MYOM1: variants seen among roughly 807,000 people sequenced by gnomAD.
MYOM1 encodes the protein myomesin-1.
Under a neutral mutation model 205.3 loss-of-function variants are expected in MYOM1, and 164 were observed. That is an observed-to-expected ratio of 0.80 (90% CI 0.70 to 0.91). The LOEUF (loss-of-function observed/expected upper bound fraction) is 0.91. Among genes scored for constraint, MYOM1 ranks in the 40% least tolerant of loss-of-function variants. MYOM1 has a pLI of 0.00. For synonymous variants in MYOM1, 772 were observed against 789.4 expected, an observed-to-expected ratio of 0.98 and a Z score of 0.37; for missense variants, 2,011 against 2,127.3, an observed-to-expected ratio of 0.95 and a Z score of 1.08.
At chr18:3,081,604 G>T (rs2079087317) in intron 33 of MYOM1, among the ~76,000 whole-genome samples, 1 of 152,152 alleles carries the variant, frequency 6.6e-6, no homozygotes, top group African/African-American at 2.4e-5. Context: ...CTTTTTGATT[G>T]ATGATTCAAT....
intron 33 of MYOM1, among the ~76,000 whole-genome samples, chr18:3,081,185 A>G (rs552212252): frequency 3.0e-4 from 46 of 152,210 alleles, no homozygotes; most frequent in Admixed American, 2.6e-3. Context: ...CTGCTTTGCT[A>G]TAATAAATCT....
chr18:3,189,106 A>G lies in MYOM1; in HGVS notation c.432-19T>C, dbSNP rs1335778854. The G allele has an allele frequency of 1.9e-6, 3 of 1,601,090 alleles. No individual in the cohort carries two copies. Among genetic ancestry groups the G allele is most frequent in the Admixed American group, 3.4e-5 (2 of 59,568 alleles). ...CTTTTGACTAAAACACAACAATGGC[A>G]AAATGTAGATGTTGTGGATGGCAGT... On this transcript the variant is annotated intron_variant, in intron 3 of 37. Coordinates refer to ENST00000356443, the MANE Select transcript of MYOM1 (RefSeq NM_003803.4). This position sits in a 1 kb window ranked among gnomAD's most constrained non-coding sequence, Gnocchi z 4.8.
intron 2 of MYOM1, among the ~76,000 whole-genome samples, chr18:3,197,678 C>T (rs1443984968): frequency 6.6e-6 from 1 of 151,692 alleles, no homozygotes; most frequent in Non-Finnish European, 1.5e-5. Flanking sequence ...TCGAGACCAT[C>T]CTAGCTAACA....
the MYOM1 span, among the ~76,000 whole-genome samples, chr18:3,244,261 G>A: frequency 6.6e-6 from 1 of 152,106 alleles, no homozygotes; most frequent in Non-Finnish European, 1.5e-5. Flanking sequence ...GAGAACCACT[G>A]CAATAGTGGA....
chr18:3,161,466 T>A (rs1287641445), intron 10 of MYOM1, among the ~76,000 whole-genome samples: 1 of 152,192 alleles, frequency 6.6e-6, no homozygotes, highest in Non-Finnish European at 1.5e-5. Flanking sequence ...CTGCATGTGC[T>A]AAGTGTGCAC....
chr18:3,160,548 A>C (rs2080376159), intron 10 of MYOM1, among the ~76,000 whole-genome samples: 1 of 152,226 alleles, frequency 6.6e-6, no homozygotes. Flanking sequence ...ACTAAAAAGC[A>C]CCAAATTGTA....
At chr18:3,228,123 T>C in the MYOM1 span, among the ~76,000 whole-genome samples, 1 of 152,226 alleles carries the variant, frequency 6.6e-6, no homozygotes, top group African/African-American at 2.4e-5. This position sits in a 1 kb window ranked among gnomAD's most constrained non-coding sequence, Gnocchi z 4.5. Context: ...TATTCTTCAC[T>C]GGTTTGCCAG....
rs2080871315 is a variant in MYOM1 at position 3,189,246 on chromosome 18, G to A, written c.432-159C>T. Among the ~76,000 whole-genome samples, 1 of 152,042 alleles carries A rather than the reference G, an allele frequency of 6.6e-6. No homozygotes were observed. Among genetic ancestry groups the A allele is most frequent in the Non-Finnish European group, 1.5e-5 (1 of 68,022 alleles). On this transcript the variant is annotated intron_variant, in intron 3 of 37. Coordinates refer to ENST00000356443, the MANE Select transcript of MYOM1 (RefSeq NM_003803.4). The surrounding 1 kb of genome is among the most constrained non-coding windows in gnomAD (Gnocchi z 4.8). ...GGTGAATCAGAAGCTGACACTTCATGTACAGAAGTATTCCTCACCTTAACA... is the reference window on the plus strand; with the variant it reads ...GGTGAATCAGAAGCTGACACTTCATATACAGAAGTATTCCTCACCTTAACA...
intron 5 of MYOM1, among the ~76,000 whole-genome samples, chr18:3,182,214 T>C (rs776880924): frequency 2.0e-5 from 3 of 151,508 alleles, no homozygotes; most frequent in Non-Finnish European, 2.9e-5. Context: ...AAGATTTCCA[T>C]GGACAAATTC....
intron 11 of MYOM1, 137 bp downstream of exon 11, chr18:3,154,810 T>C (rs2080270856): frequency 1.1e-6 from 1 of 925,776 alleles, no homozygotes; most frequent in Middle Eastern, 2.4e-4. Flanking sequence ...AAAAGAAAGA[T>C]GAAGAGAGAT....
intron 18 of MYOM1, among the ~76,000 whole-genome samples, chr18:3,128,615 T>C (rs938998424): frequency 3.3e-5 from 5 of 152,186 alleles, no homozygotes; most frequent in Non-Finnish European, 7.3e-5. Flanking sequence ...TTTTTTCTTT[T>C]CTTTTTTCAT....
intron 13 of MYOM1, among the ~76,000 whole-genome samples, chr18:3,144,347 CAAGAG>C (rs1349372699): frequency 2.0e-5 from 3 of 151,388 alleles, no homozygotes; most frequent in Non-Finnish European, 4.4e-5. Flanking sequence ...TCATAGCCAA[CAAGAG>C]AATACAGATA....
chr18:3,165,441 C>A (rs2080454136), intron 9 of MYOM1, among the ~76,000 whole-genome samples: 1 of 151,880 alleles, frequency 6.6e-6, no homozygotes, highest in African/African-American at 2.4e-5. Context: ...TTAAAACTGT[C>A]TTCCTTGTTA....
the MYOM1 span, among the ~76,000 whole-genome samples, chr18:3,244,145 C>G: frequency 2.6e-5 from 4 of 152,274 alleles, no homozygotes; most frequent in African/African-American, 9.6e-5. Context: ...CTGGCTTCTC[C>G]CCACTAGATG....
At chr18:3,080,217 C>T (rs1239048041) in intron 33 of MYOM1, among the ~76,000 whole-genome samples, 1 of 151,966 alleles carries the variant, frequency 6.6e-6, no homozygotes, top group Non-Finnish European at 1.5e-5. Flanking sequence ...AGAAAAAAGG[C>T]TAGCAGGAAG....
At chr18:3,197,611 C>A (rs1007660154) in intron 2 of MYOM1, among the ~76,000 whole-genome samples, 1 of 152,042 alleles carries the variant, frequency 6.6e-6, no homozygotes, top group East Asian at 1.9e-4. Flanking sequence ...CGGTGGCTCA[C>A]GCCTGTAATC....
intron 19 of MYOM1, among the ~76,000 whole-genome samples, chr18:3,123,615 G>A (rs938112660): frequency 5.3e-5 from 8 of 150,844 alleles, no homozygotes; most frequent in Non-Finnish European, 7.4e-5. Context: ...GTTTAGTTGG[G>A]TTGAATGTAA....
At chr18:3,182,148 C>T (rs1467073471) in intron 5 of MYOM1, among the ~76,000 whole-genome samples, 1 of 152,188 alleles carries the variant, frequency 6.6e-6, no homozygotes, top group African/African-American at 2.4e-5. Flanking sequence ...CAGGTACACA[C>T]TGATACCAAC....
At chr18:3,174,392 C>G (rs1004304512) in intron 6 of MYOM1, among the ~76,000 whole-genome samples, 184 bp from the exon 7 acceptor site, 1 of 152,074 alleles carries the variant, frequency 6.6e-6, no homozygotes, top group African/African-American at 2.4e-5. Context: ...TTACCTAGTC[C>G]AAGTGATCTA....
Sources: allele counts gnomAD v4.1 joint callset (sites outside exome capture counted in the v4.1 genomes callset), GRCh38; gene constraint gnomAD v4.1.1; non-coding constraint Gnocchi (gnomAD v3.1); transcripts MANE v1.5; gene names NCBI Gene and HGNC (gene_info 2026-07-23, HGNC 2026-07-21).